The following KLRC1 variants were observed in gnomAD, a reference collection of about 807,000 sequenced individuals.
KLRC1 encodes NKG2-A/NKG2-B type II integral membrane protein.
In KLRC1, 22 loss-of-function variants were observed where a neutral mutation model predicts 25.9. The observed-to-expected ratio is 0.85, with a 90% CI of 0.61 to 1.21. The LOEUF is 1.21. KLRC1 is among the 50% of genes most tolerant of loss of function. The pLI is 0.00. For missense variants in KLRC1, 240 were observed against 272.2 expected (o/e 0.88, Z 0.83); for synonymous variants, 77 against 93.1 (o/e 0.83, Z 0.99).
chr12:10,445,006 G>A (rs953599326), downstream of KLRC1, among the ~76,000 whole-genome samples: 2 of 141,872 alleles, frequency 1.4e-5, no homozygotes, highest in African/African-American at 5.3e-5. Flanking sequence ...TGCAACCTCC[G>A]ACCCCTGGTT....
intron 5 of KLRC1, among the ~76,000 whole-genome samples, chr12:10,448,162 T>A (rs1026574812): frequency 7.9e-5 from 12 of 152,264 alleles, no homozygotes; most frequent in African/African-American, 2.9e-4. Context: ...TAAAAACAAC[T>A]ATAAACTCTG....
At position 10,446,525 on chromosome 12, in the gene KLRC1, G is replaced by T. The variant is rs755664903; in HGVS notation, c.*26C>A. 24 of 1,582,952 alleles carry T rather than the reference G, an allele frequency of 1.5e-5. No homozygotes were observed. Among genetic ancestry groups the T allele is most frequent in the Non-Finnish European group, 2.1e-5 (24 of 1,159,440 alleles). On this transcript the variant is annotated 3_prime_UTR_variant, in exon 7 of 7. Transcript: ENST00000359151. ...TTAAGAAATATACAATTTATCTGAT[G>T]CACTGCAAATGCAAACGCTTTACCT...
upstream of KLRC1, chr12:10,454,354 C>T (rs1196097884): frequency 6.6e-6 from 1 of 152,276 alleles, no homozygotes; most frequent in African/African-American, 2.4e-5. Flanking sequence ...CATCTCCAGA[C>T]CTGAAAAGGG....
intron 4 of KLRC1, among the ~76,000 whole-genome samples, chr12:10,449,679 T>C (rs1049470583): frequency 1.3e-5 from 2 of 152,122 alleles, no homozygotes; most frequent in African/African-American, 4.8e-5. Context: ...TAAGGAACAA[T>C]AAATAACTTG....
chr12:10,448,022 T>C (rs998258495), intron 5 of KLRC1, among the ~76,000 whole-genome samples: 1 of 152,232 alleles, frequency 6.6e-6, no homozygotes, highest in East Asian at 1.9e-4. Context: ...AAGCTACATA[T>C]TGGGTTTTCT....
chr12:10,443,779 T>G (rs1238184142), downstream of KLRC1, among the ~76,000 whole-genome samples: 3 of 140,652 alleles, frequency 2.1e-5, 1 homozygote, highest in Admixed American at 2.1e-4. Context: ...ATGATTTCAA[T>G]GTAGTACCAC....
Position 10,446,410 on chromosome 12 carries a change from T to C in KLRC1, c.*141A>G, listed in dbSNP as rs1863985123. 5 of 1,435,008 alleles carry C rather than the reference T, an allele frequency of 3.5e-6. No individual in the cohort carries two copies. Among genetic ancestry groups the C allele is most frequent in the Admixed American group, 5.7e-5 (2 of 35,000 alleles). The allele number at this position is 1,435,008 out of a possible 1,614,324, so 88.9% of individuals were successfully genotyped here. On this transcript the variant is annotated 3_prime_UTR_variant, in exon 7 of 7. Coordinates refer to ENST00000359151, the MANE Select transcript of KLRC1 (RefSeq NM_002259.5). Reference sequence around the variant, plus strand: ...GTCTGTACTTTAGTAATTGTGTGTATCCTGTTTCAATAATTGATTTAGAAT... The same window carrying C: ...GTCTGTACTTTAGTAATTGTGTGTACCCTGTTTCAATAATTGATTTAGAAT...
chr12:10,445,866 C>G (rs1863974310), downstream of KLRC1, among the ~76,000 whole-genome samples: 1 of 152,004 alleles, frequency 6.6e-6, no homozygotes, highest in Non-Finnish European at 1.5e-5. Context: ...TGTATGACTT[C>G]AATCCCCCAA....
At chr12:10,447,344 T>C in intron 6 of KLRC1, 188 bp downstream of exon 6, 1 of 427,094 alleles carries the variant, frequency 2.3e-6, no homozygotes. Context: ...AGAAGGTTAC[T>C]AGCTGACCAA....
rs143274044 is a variant in KLRC1, at chr12:10,449,673, GAAC to G, written c.337+238_337+240del. Reference sequence around the variant, plus strand: ...TCAATGAACTAATCTGATTTTTAAGGAACAATAAATAACTTGTATCTTATCATA... The same window carrying G: ...TCAATGAACTAATCTGATTTTTAAGGAATAAATAACTTGTATCTTATCATA... On this transcript the variant is annotated intron_variant, in intron 4 of 6. Transcript: ENST00000359151. Among the ~76,000 whole-genome samples the G allele has an allele frequency of 5.4e-3, 820 of 152,062 alleles. 8 individuals carry two copies. The highest frequency in any genetic ancestry group is 0.018 in the African/African-American group (760 of 41,504).
chr12:10,451,650 C>T (rs1591617280), intron 1 of KLRC1, among the ~76,000 whole-genome samples: 1 of 112,458 alleles, frequency 8.9e-6, no homozygotes, highest in South Asian at 2.9e-4. Flanking sequence ...AGTGAGACTC[C>T]GACTCAAAAA....
rs1206500397 is a variant in KLRC1 at position 10,446,597 on chromosome 12, G to T, written c.656C>A (p.Ala219Asp). 3 of 1,613,786 alleles carry T rather than the reference G, an allele frequency of 1.9e-6. No homozygotes were observed. The highest frequency in any genetic ancestry group is 2.5e-6 in the Non-Finnish European group (3 of 1,179,906). The change falls in exon 7 of 7, where the codon GCC (alanine) becomes GAC (aspartate). Residue 219 changes from alanine to aspartate, a missense_variant. Transcript: ENST00000359151. ...ATATATTATTGAAGATCCACACTGG[G>T]CTGATTTAAGTCGATTTACTTGTAG... ...AVLQVNRLKS[A>D]QCGSSIIYHC...
At chr12:10,445,521 A>T (rs988112605), downstream of KLRC1, among the ~76,000 whole-genome samples, 3 of 152,182 alleles carry the variant, frequency 2.0e-5, no homozygotes, top group Non-Finnish European at 2.9e-5. Context: ...TACATATGAT[A>T]CACACAGAAC....
At chr12:10,447,399 T>C (rs534869029) in intron 6 of KLRC1, 133 bp downstream of exon 6, 1 of 802,734 alleles carries the variant, frequency 1.2e-6, no homozygotes, top group Admixed American at 2.8e-5. Flanking sequence ...TTGTAAAATA[T>C]TTATGTCAGC....
Position 10,449,401 on chromosome 12 carries a change from A to G in KLRC1, c.338-13T>C. 6.2e-7 allele frequency: 1 copy of G among 1,612,338 alleles called. No homozygotes were observed. The highest frequency in any genetic ancestry group is 8.5e-7 in the Non-Finnish European group (1 of 1,179,220). On this transcript the variant is annotated splice_polypyrimidine_tract_variant and intron_variant, in intron 4 of 6. Transcript: ENST00000359151. ...CCACAATGACGTGCTAAATAAAGAT[A>G]TGAATTACTATCTAGACCAATATGA...
intron 5 of KLRC1, among the ~76,000 whole-genome samples, chr12:10,448,192 G>C (rs140601871): frequency 6.6e-6 from 1 of 152,150 alleles, no homozygotes; most frequent in South Asian, 2.1e-4. Flanking sequence ...AAAGACAAAA[G>C]CAATGGAGAA....
Position 10,446,038 on chromosome 12 carries a change from T to C in KLRC1, c.*513A>G, listed in dbSNP as rs1245763084. On this transcript the variant is annotated 3_prime_UTR_variant, in exon 7 of 7. Coordinates refer to ENST00000359151, the MANE Select transcript of KLRC1 (RefSeq NM_002259.5). ...AATCCCAGGAGAGGCTTTTTTTTTT[T>C]TTCTGGATAGCTTTATTGAAGTGTC... is the stretch of plus-strand genomic sequence containing the variant. 1 of 152,090 alleles carries C rather than the reference T, an allele frequency of 6.6e-6. No individual in the cohort carries two copies. Among genetic ancestry groups the C allele is most frequent in the Non-Finnish European group, 1.5e-5 (1 of 68,048 alleles). 9.4% of individuals were successfully genotyped at this position (152,090 alleles called of 1,614,324 possible). A position where few individuals can be genotyped will look rare whatever the true frequency, so the allele number is the denominator to read the frequency against.
chr12:10,446,519 T>A lies in KLRC1; in HGVS notation c.*32A>T. On this transcript the variant is annotated 3_prime_UTR_variant, in exon 7 of 7. Coordinates refer to ENST00000359151, the MANE Select transcript of KLRC1 (RefSeq NM_002259.5). ...TCTATTTTAAGAAATATACAATTTA[T>A]CTGATGCACTGCAAATGCAAACGCT... 6.3e-7 allele frequency: 1 copy of A among 1,576,834 alleles called. No homozygotes were observed. Among genetic ancestry groups the A allele is most frequent in the Non-Finnish European group, 8.7e-7 (1 of 1,155,632 alleles).
At position 10,447,473 on chromosome 12, in the gene KLRC1, T is replaced by C. The variant is rs373642229; in HGVS notation, c.590+59A>G. 56 of 1,311,822 alleles carry C rather than the reference T, an allele frequency of 4.3e-5. No homozygotes were observed. In the Middle Eastern group the frequency reaches 1.2e-3, roughly 27 times the overall value. 81.3% of individuals were successfully genotyped at this position (1,311,822 alleles called of 1,614,324 possible). A position where few individuals can be genotyped will look rare whatever the true frequency, so the allele number is the denominator to read the frequency against. Reference sequence around the variant, plus strand: ...TTCCACATAGATTTATTCATATTATTCTTCTGAATTTATCCTTTATATATA... The same window carrying C: ...TTCCACATAGATTTATTCATATTATCCTTCTGAATTTATCCTTTATATATA... On this transcript the variant is annotated intron_variant, in intron 6 of 6. Coordinates refer to ENST00000359151, the MANE Select transcript of KLRC1 (RefSeq NM_002259.5).
Sources: allele counts gnomAD v4.1 joint callset (sites outside exome capture counted in the v4.1 genomes callset), GRCh38; gene constraint gnomAD v4.1.1; transcripts MANE v1.5; gene names NCBI Gene and HGNC (gene_info 2026-07-23, HGNC 2026-07-21).